Variants in CCDC3 observed in about 807,000 individuals in gnomAD.
CCDC3 encodes coiled-coil domain containing 3.
In CCDC3, 24 loss-of-function variants were observed where a neutral mutation model predicts 21.4. That is an observed-to-expected ratio of 1.12 (90% CI 0.81 to 1.58). CCDC3 has a LOEUF of 1.58. Ranked by LOEUF, CCDC3 falls within the 40% of genes most tolerant of loss-of-function variation. The pLI, the probability that CCDC3 is intolerant of heterozygous loss-of-function variation, is 0.00. For synonymous variants in CCDC3, 186 were observed against 166.0 expected, an observed-to-expected ratio of 1.12 and a Z score of -0.93; for missense variants, 425 against 360.9, an observed-to-expected ratio of 1.18 and a Z score of -1.44.
intron 5 of CCDC3, among the ~76,000 whole-genome samples, chr10:13,019,347 C>T (rs776079462): frequency 4.6e-5 from 7 of 152,164 alleles, no homozygotes; most frequent in Non-Finnish European, 1.0e-4. Flanking sequence ...TGCTCTGAAC[C>T]ATAAATAAAA....
chr10:13,070,925 A>G (rs1564339227), intron 4 of CCDC3, among the ~76,000 whole-genome samples: 1 of 152,220 alleles, frequency 6.6e-6, no homozygotes, highest in African/African-American at 2.4e-5. Flanking sequence ...CTTTTTGCCT[A>G]CATTTTAGAC....
intron 1 of CCDC3, among the ~76,000 whole-genome samples, chr10:13,000,786 G>A (rs1024654999): frequency 2.0e-5 from 3 of 152,138 alleles, no homozygotes; most frequent in Non-Finnish European, 4.4e-5. Flanking sequence ...CAAGAAATGC[G>A]CTCAGAATCA....
intron 2 of CCDC3, among the ~76,000 whole-genome samples, chr10:12,987,504 A>G (rs974606302): frequency 6.6e-6 from 1 of 152,180 alleles, no homozygotes; most frequent in Non-Finnish European, 1.5e-5. Flanking sequence ...TATTATAACC[A>G]ATTTTCAGAT....
At chr10:12,974,814 G>A (rs970433651) in intron 2 of CCDC3, among the ~76,000 whole-genome samples, 7 of 152,204 alleles carry the variant, frequency 4.6e-5, no homozygotes, top group South Asian at 2.1e-4. Context: ...GATTTGGATC[G>A]CCTTTGGATT....
At chr10:12,981,177 A>ATTTTTTTTTTT (rs59193619) in intron 2 of CCDC3, among the ~76,000 whole-genome samples, 1 of 105,558 alleles carries the variant, frequency 9.5e-6, no homozygotes, top group Non-Finnish European at 1.8e-5. Flanking sequence ...CTGGCCCAGG[A>ATTTTTTTTTTT]TTTTTTTTTT....
chr10:13,019,414 C>T (rs1001174253), intron 5 of CCDC3, among the ~76,000 whole-genome samples: 1 of 152,114 alleles, frequency 6.6e-6, no homozygotes, highest in African/African-American at 2.4e-5. Context: ...ATAGCAAAAG[C>T]CCACAGGTAT....
chr10:12,915,630 C>T (rs758907872), intron 2 of CCDC3, among the ~76,000 whole-genome samples: 1 of 152,174 alleles, frequency 6.6e-6, no homozygotes, highest in Non-Finnish European at 1.5e-5. Context: ...AGCCTTTCAC[C>T]AGTAGCCTGT....
At chr10:13,029,947 C>T (rs183579886) in intron 5 of CCDC3, among the ~76,000 whole-genome samples, 1 of 152,112 alleles carries the variant, frequency 6.6e-6, no homozygotes, top group Non-Finnish European at 1.5e-5. Flanking sequence ...ACTTCCCCAA[C>T]CTAGTAAGGC....
chr10:12,920,992 C>A (rs79693679), intron 2 of CCDC3, among the ~76,000 whole-genome samples: 8,007 of 152,272 alleles, frequency 0.053, 234 homozygotes, highest in Non-Finnish European at 0.071. Context: ...CCCTAACCCT[C>A]GGCAGCATAT....
chr10:12,929,792 G>C (rs1659862), intron 2 of CCDC3, among the ~76,000 whole-genome samples: 129,993 of 151,782 alleles, frequency 0.86, 55,840 homozygotes, highest in East Asian at 1. Context: ...AGCTATGATG[G>C]TAGTTTAATG....
At chr10:12,964,712 A>C (rs1424023444) in intron 2 of CCDC3, among the ~76,000 whole-genome samples, 2 of 152,196 alleles carry the variant, frequency 1.3e-5, no homozygotes, top group Non-Finnish European at 2.9e-5. Flanking sequence ...AGGCATCCTT[A>C]ACAATGTAAT....
rs1170004248 is a variant in CCDC3, at chr10:13,093,289, AGGGGTTT to A, written c.-503+5229_-503+5235del. On this transcript the variant is annotated intron_variant, in intron 3 of 6. Transcript: ENST00000378839. ...AGAGAGAGAATGAGAACCAAGTGAA[AGGGGTTT>A]CCCCTTATAAAACCATCACATCTCG... 6.6e-5 allele frequency among the ~76,000 whole-genome samples: 10 copies of A among 152,296 alleles called. No homozygotes were observed. The South Asian group carries it at 1.5e-3, about 22-fold the overall frequency.
intron 2 of CCDC3, among the ~76,000 whole-genome samples, chr10:12,934,285 C>G (rs949110189): frequency 2.6e-5 from 4 of 152,130 alleles, no homozygotes; most frequent in Non-Finnish European, 4.4e-5. Flanking sequence ...ATTCCATTGT[C>G]GTCTTTCCAT....
intron 2 of CCDC3, among the ~76,000 whole-genome samples, chr10:12,988,590 C>A (rs1291758214): frequency 6.6e-6 from 1 of 152,116 alleles, no homozygotes; most frequent in Non-Finnish European, 1.5e-5. Context: ...GTGATCTGCC[C>A]ACCTCAGCCT....
At chr10:13,066,504 T>G (rs766192879) in intron 4 of CCDC3, among the ~76,000 whole-genome samples, 6 of 152,250 alleles carry the variant, frequency 3.9e-5, no homozygotes, top group Non-Finnish European at 8.8e-5. Context: ...AAATCAATTT[T>G]CCTGGAAGAA....
At chr10:13,095,421 A>T (rs28712516) in intron 3 of CCDC3, among the ~76,000 whole-genome samples, 2,277 of 141,300 alleles carry the variant, frequency 0.016, 55 homozygotes, top group African/African-American at 0.054. Context: ...CAATTTTTCC[A>T]TGGATGGTGG....
At chr10:12,997,072 A>T (rs1564314272) in intron 2 of CCDC3, among the ~76,000 whole-genome samples, 2 of 152,070 alleles carry the variant, frequency 1.3e-5, no homozygotes, top group South Asian at 4.1e-4. Flanking sequence ...CTGAACCTAA[A>T]ATAAAAGTTG....
intron 2 of CCDC3, among the ~76,000 whole-genome samples, chr10:12,945,695 A>G (rs1427860025): frequency 2.0e-5 from 3 of 152,232 alleles, no homozygotes; most frequent in Non-Finnish European, 4.4e-5. Flanking sequence ...TAATTGGTCT[A>G]GGAAATAAAG....
At chr10:13,092,930 A>T (rs1832589013) in intron 3 of CCDC3, among the ~76,000 whole-genome samples, 1 of 152,064 alleles carries the variant, frequency 6.6e-6, no homozygotes, top group South Asian at 2.1e-4. Flanking sequence ...ACCTGGTGAG[A>T]GAAATGTTGA....
Sources: gnomAD v4.1 joint callset for allele counts (sites outside exome capture counted in the v4.1 genomes callset) on GRCh38, gnomAD v4.1.1 for gene constraint, MANE v1.5 for transcripts, NCBI Gene and HGNC (gene_info 2026-07-23, HGNC 2026-07-21) for gene names.